The following CABLES2 variants were observed in gnomAD, a reference collection of about 807,000 sequenced individuals.
The protein encoded by CABLES2 is Cdk5 and Abl enzyme substrate 2, also known as CDK5 and ABL1 enzyme substrate 2.
Under a neutral mutation model 44.8 loss-of-function variants are expected in CABLES2, and 35 were observed. The ratio of observed to expected loss-of-function variants is 0.78; its 90% CI spans 0.60 to 1.04. The LOEUF (loss-of-function observed/expected upper bound fraction) is 1.04, where lower values mean the gene tolerates loss of function less well. Ranked by LOEUF, CABLES2 falls within the 50% of genes least tolerant of loss-of-function variation. CABLES2 has a pLI of 0.00. For missense variants in CABLES2, 566 were observed against 615.7 expected (o/e 0.92, Z 0.85); for synonymous variants, 282 against 281.1 (o/e 1.00, Z -0.03).
chr20:62,390,988 G>T lies in CABLES2; in HGVS notation c.1420C>A (p.Leu474Ile), dbSNP rs754984687. Residue 474 changes from leucine (L) to isoleucine (I), a missense_variant, in exon 10 of 10, where the codon CTC (leucine) becomes ATC (isoleucine). Coordinates refer to ENST00000279101, the MANE Select transcript of CABLES2 (RefSeq NM_031215.3). Reference sequence around the variant, plus strand: ...GGCCTCTGCTAGAACTGCTGGGTGAGGCGCCTGTAATGAGGTAACACTTGG... The same window carrying T: ...GGCCTCTGCTAGAACTGCTGGGTGATGCGCCTGTAATGAGGTAACACTTGG... ...ENQVLPHYRR[L>I]TQQF 2 of 1,614,030 alleles carry T rather than the reference G, an allele frequency of 1.2e-6. No individual in the cohort carries two copies. Among genetic ancestry groups the T allele is most frequent in the African/African-American group, 2.7e-5 (2 of 74,926 alleles).
chr20:62,391,242 CA>C lies in CABLES2; in HGVS notation c.1296+6del, dbSNP rs1394890227. 1.9e-6 allele frequency: 3 copies of C among 1,605,122 alleles called. No homozygotes were observed. Among genetic ancestry groups the C allele is most frequent in the Middle Eastern group, 1.7e-4 (1 of 6,042 alleles). On this transcript the variant is annotated splice_donor_region_variant and intron_variant, in intron 9 of 9. Coordinates refer to ENST00000279101, the MANE Select transcript of CABLES2 (RefSeq NM_031215.3). This position sits in a 1 kb window ranked among gnomAD's most constrained non-coding sequence, Gnocchi z 5.7. Reference sequence around the variant, plus strand: ...TGCCTGCAGTGCCTGCCGAGCCGGGCACTCACATCGATGAGCTGCGTCACGC... The same window carrying C: ...TGCCTGCAGTGCCTGCCGAGCCGGGCCTCACATCGATGAGCTGCGTCACGC...
chr20:62,393,541 T>C lies in CABLES2; in HGVS notation c.779A>G (p.His260Arg), dbSNP rs1987959699. ...NALVTHKSDS[H>R]GLLPTPRPSV... The stretch of plus-strand genomic sequence containing the variant: ...GGGCCGAGGTGTGGGCAGCAGGCCA[T>C]GGCTGTCACTCTTGTGTGTGACCAG... The change falls in exon 6 of 10, where the codon CAT becomes CGT. Residue 260 changes from histidine (H) to arginine (R), a missense_variant. Physicochemically the swap from His to Arg is conservative, Grantham distance 29. Around this residue, in one of 2 missense-constraint regions of CABLES2, gnomAD observed 436 missense variants for 536.3 expected, o/e 0.81. Transcript: ENST00000279101. 1.4e-5 allele frequency: 23 copies of C among 1,613,016 alleles called. No homozygotes were observed. The Middle Eastern group carries it at 3.3e-3, about 232-fold the overall frequency.
chr20:62,398,088 A>G (rs1021722192), intron 1 of CABLES2, among the ~76,000 whole-genome samples: 5,442 of 52,128 alleles, frequency 0.1, 568 homozygotes, highest in African/African-American at 0.23. Flanking sequence ...GGTGGTGGTG[A>G]CGGTGGTGGT....
At chr20:62,398,019 G>GTAA (rs1988071592) in intron 1 of CABLES2, among the ~76,000 whole-genome samples, 1 of 130,982 alleles carries the variant, frequency 7.6e-6, no homozygotes, top group East Asian at 2.3e-4. Context: ...TATGGCGGTG[G>GTAA]TGGTGGTGGT....
At chr20:62,398,058 ATGGTGGTGGTGACGGTGG>A (rs776488764) in intron 1 of CABLES2, among the ~76,000 whole-genome samples, 8,231 of 76,738 alleles carry the variant, frequency 0.11, 991 homozygotes, top group East Asian at 0.48. Flanking sequence ...GGTGATGGCG[ATGGTGGTGGTGACGGTGG>A]TGGTGGTGGT....
At chr20:62,392,887 G>A in intron 7 of CABLES2, 33 bp downstream of exon 7, 1 of 1,576,178 alleles carries the variant, frequency 6.3e-7, no homozygotes, top group Non-Finnish European at 8.7e-7. Context: ...GTGTGCAGCT[G>A]CCTGCACCCA....
Position 62,396,429 on chromosome 20 carries a change from T to A in CABLES2, c.435-22A>T, listed in dbSNP as rs749822949. 5.6e-6 allele frequency: 9 copies of A among 1,613,308 alleles called. No individual in the cohort carries two copies. In the Admixed American group the frequency reaches 1.5e-4, roughly 27 times the overall value. On this transcript the variant is annotated intron_variant, in intron 2 of 9. Transcript: ENST00000279101. This position sits in a 1 kb window ranked among gnomAD's most constrained non-coding sequence, Gnocchi z 5.7. Reference sequence around the variant, plus strand: ...GGTTCTGCAAGGCAAAGGACACAGGTCACTCTTTTCCTCCCAGGACCCTCT... The same window carrying A: ...GGTTCTGCAAGGCAAAGGACACAGGACACTCTTTTCCTCCCAGGACCCTCT...
intron 1 of CABLES2, among the ~76,000 whole-genome samples, chr20:62,406,297 G>A (rs1988282365): frequency 6.6e-6 from 1 of 152,022 alleles, no homozygotes; most frequent in South Asian, 2.1e-4. Flanking sequence ...GGGCATGGAC[G>A]GTGTGGCCCG....
chr20:62,397,505 A>G (rs765391928), intron 1 of CABLES2, among the ~76,000 whole-genome samples: 7 of 152,190 alleles, frequency 4.6e-5, no homozygotes, highest in Non-Finnish European at 1.0e-4. Flanking sequence ...AAGACCCCTC[A>G]GGGCACAATG....
intron 1 of CABLES2, among the ~76,000 whole-genome samples, chr20:62,401,687 C>T (rs550914563): frequency 3.3e-5 from 5 of 152,206 alleles, no homozygotes; most frequent in Non-Finnish European, 7.3e-5. Context: ...TGCACACAGA[C>T]GCCACACGGG....
chr20:62,406,872 T>G, intron 1 of CABLES2, 43 bp downstream of exon 1: 1 of 1,101,470 alleles, frequency 9.1e-7, no homozygotes, highest in Non-Finnish European at 1.1e-6. Flanking sequence ...TCCCCGTCCC[T>G]GTACCCCGCG....
intron 1 of CABLES2, among the ~76,000 whole-genome samples, chr20:62,406,300 G>A (rs1389057657): frequency 6.6e-6 from 1 of 152,034 alleles, no homozygotes; most frequent in Non-Finnish European, 1.5e-5. Flanking sequence ...CATGGACGGT[G>A]TGGCCCGGTT....
rs1987960198 is a variant in CABLES2, at chr20:62,393,567, G to A, written c.753C>T (p.Ala251=). The A allele has an allele frequency of 1.2e-6, 2 of 1,609,874 alleles. No homozygotes were observed. Among genetic ancestry groups the A allele is most frequent in the Non-Finnish European group, 1.7e-6 (2 of 1,177,846 alleles). ...GGCTGTCACTCTTGTGTGTGACCAG[G>A]GCGTTGGTGGGATACAGGAACTTCG... The part of the protein sequence containing the change: ...SYAKFLYPTN[A]LVTHKSDSHG... The change falls in exon 6 of 10, where the codon GCC becomes GCT. Residue 251 remains alanine (A), a synonymous_variant. Coordinates refer to ENST00000279101, the MANE Select transcript of CABLES2 (RefSeq NM_031215.3).
chr20:62,394,217 G>C lies in CABLES2; in HGVS notation c.654C>G (p.Val218=). 6.2e-7 allele frequency: 1 copy of C among 1,613,562 alleles called. No homozygotes were observed. Among genetic ancestry groups the C allele is most frequent in the Non-Finnish European group, 8.5e-7 (1 of 1,180,006 alleles). The change falls in exon 5 of 10, where the codon GTC becomes GTG. Residue 218 remains valine, a synonymous_variant. Coordinates refer to ENST00000279101, the MANE Select transcript of CABLES2 (RefSeq NM_031215.3). ...SQKQRHPSGG[V]SVSSEMVFEL... ...CAAAGACCATCTCGGAAGACACAGA[G>C]ACGCCGCCGGACGGGTGCCTCTGCT...
chr20:62,393,533 G>C lies in CABLES2; in HGVS notation c.787C>G (p.Leu263Val), dbSNP rs1987959207. Residue 263 changes from leucine to valine, a missense_variant, in exon 6 of 10, where the codon CTG becomes GTG. Physicochemically the swap from Leu to Val is conservative, Grantham distance 32. Transcript: ENST00000279101. ...VTHKSDSHGLLPTPRPSVPRT... is the reference protein window; with the variant it reads ...VTHKSDSHGLVPTPRPSVPRT... ...GGGACACTGGGCCGAGGTGTGGGCA[G>C]CAGGCCATGGCTGTCACTCTTGTGT... 6.2e-7 allele frequency: 1 copy of C among 1,613,264 alleles called. No homozygotes were observed. Among genetic ancestry groups the C allele is most frequent in the African/African-American group, 1.3e-5 (1 of 74,932 alleles).
chr20:62,400,818 G>A (rs1988175213), intron 1 of CABLES2, among the ~76,000 whole-genome samples: 1 of 152,240 alleles, frequency 6.6e-6, no homozygotes, highest in African/African-American at 2.4e-5. Context: ...TCTGGTCGCT[G>A]CAGGAATGAT....
Position 62,392,486 on chromosome 20 carries a change from T to A in CABLES2, c.994A>T (p.Ile332Leu). The change falls in exon 8 of 10, where the codon ATA becomes TTA. Residue 332 changes from isoleucine to leucine, a missense_variant. Ile to Leu is a conservative substitution (Grantham distance 5). Around this residue, in one of 2 missense-constraint regions of CABLES2, gnomAD observed 436 missense variants for 536.3 expected, o/e 0.81. Coordinates refer to ENST00000279101, the MANE Select transcript of CABLES2 (RefSeq NM_031215.3). ...AGGTCTGAGGGCTTCACGTATTCTA[T>A]CACTGTGGTCTGCAACAGAGAGTGG... ...LIFASYMTTV[I>L]EYVKPSDLKK... is the part of the protein sequence containing the mutation. 6.2e-7 allele frequency: 1 copy of A among 1,613,690 alleles called. No individual in the cohort carries two copies. The highest frequency in any genetic ancestry group is 8.5e-7 in the Non-Finnish European group (1 of 1,179,596).
intron 1 of CABLES2, among the ~76,000 whole-genome samples, chr20:62,398,461 G>A (rs116105726): frequency 0.017 from 2,523 of 152,248 alleles, 70 homozygotes; most frequent in African/African-American, 0.056. Context: ...CATTCTCAGC[G>A]TGTCAACAGT....
At chr20:62,401,350 C>A (rs1988184079) in intron 1 of CABLES2, among the ~76,000 whole-genome samples, 1 of 152,232 alleles carries the variant, frequency 6.6e-6, no homozygotes, top group Non-Finnish European at 1.5e-5. Context: ...GAGGGAGGTG[C>A]TTCCCTTCCA....
Sources: gnomAD v4.1 joint callset for allele counts (sites outside exome capture counted in the v4.1 genomes callset) on GRCh38, gnomAD v4.1.1 for gene constraint, gnomAD v4.1.1 regional missense constraint, Gnocchi (gnomAD v3.1) non-coding constraint, MANE v1.5 for transcripts, NCBI Gene and HGNC (gene_info 2026-07-23, HGNC 2026-07-21) for gene names.